Variants in COL24A1 observed in about 807,000 individuals in gnomAD.
The protein encoded by COL24A1 is collagen alpha-1(XXIV) chain.
A neutral mutation model predicts 253.9 loss-of-function variants in COL24A1; 224 were observed. That is an observed-to-expected ratio of 0.88 (90% confidence interval 0.79 to 0.99). COL24A1 has a LOEUF of 0.99. Ranked by LOEUF, COL24A1 falls within the 50% of genes least tolerant of loss-of-function variation. The probability of loss-of-function intolerance (pLI) is 0.00; values close to 1 mark genes in which losing one functional copy is unlikely to be tolerated. For missense variants in COL24A1, 2,131 were observed against 2,068.5 expected, an observed-to-expected ratio of 1.03 and a Z score of -0.59; for synonymous variants, 685 against 673.7, an observed-to-expected ratio of 1.02 and a Z score of -0.26.
At chr1:86,003,081 G>A (rs1159475837) in intron 19 of COL24A1, among the ~76,000 whole-genome samples, 1 of 152,152 alleles carries the variant, frequency 6.6e-6, no homozygotes, top group Non-Finnish European at 1.5e-5. Context: ...ATGCAGTATG[G>A]AGCCTATGGC....
chr1:86,022,366 C>T, intron 17 of COL24A1, 73 bp from the exon 18 acceptor site: 1 of 1,475,458 alleles, frequency 6.8e-7, no homozygotes, highest in Non-Finnish European at 9.4e-7. Flanking sequence ...TTACAAACTG[C>T]TAAAAAATTT....
intron 35 of COL24A1, among the ~76,000 whole-genome samples, chr1:85,873,133 A>G (rs1036272623): frequency 6.6e-6 from 1 of 152,232 alleles, no homozygotes. Flanking sequence ...AACCACAATG[A>G]GATACCATCT....
At chr1:85,733,826 C>T (rs1027213075) in intron 59 of COL24A1, among the ~76,000 whole-genome samples, 7 of 150,156 alleles carry the variant, frequency 4.7e-5, no homozygotes, top group African/African-American at 7.3e-5. Flanking sequence ...GTGAACCACC[C>T]GCCTCAGCCT....
chr1:85,884,092 C>T (rs1284747881), intron 32 of COL24A1, among the ~76,000 whole-genome samples: 3 of 152,130 alleles, frequency 2.0e-5, no homozygotes, highest in African/African-American at 7.2e-5. Flanking sequence ...TGCTGGTCTG[C>T]TAGTGACAAA....
chr1:85,761,690 T>C (rs1666865876), intron 53 of COL24A1, 124 bp from the exon 54 acceptor site: 1 of 881,354 alleles, frequency 1.1e-6, no homozygotes, highest in African/African-American at 1.7e-5. Context: ...AATTTAAAAT[T>C]GTTTTAGTAT....
chr1:85,884,621 G>C (rs899582501), intron 32 of COL24A1, among the ~76,000 whole-genome samples: 1 of 152,140 alleles, frequency 6.6e-6, no homozygotes, highest in African/African-American at 2.4e-5. Context: ...AAGGCCAGAG[G>C]GGGCTGGAGT....
Position 86,142,440 on chromosome 1 carries a change from G to A in COL24A1, c.121+3679C>T, listed in dbSNP as rs543457572. Among the ~76,000 whole-genome samples the A allele has an allele frequency of 7.9e-5, 12 of 151,012 alleles. No homozygotes were observed. In the South Asian group the frequency reaches 8.4e-4, roughly 11 times the overall value. ...CGGGAGGCTGAGGCAGGAGAATGGC[G>A]TGAACCTGGGAGGCAGAGCTTGCAG... On this transcript the variant is annotated intron_variant, in intron 2 of 59. Transcript: ENST00000370571.
At chr1:85,993,193 G>A (rs1020299872) in intron 19 of COL24A1, among the ~76,000 whole-genome samples, 5 of 152,076 alleles carry the variant, frequency 3.3e-5, no homozygotes, top group African/African-American at 1.2e-4. Context: ...AAGCTTGGAA[G>A]CTAGAGTGTC....
chr1:85,748,051 A>G (rs1665456223), intron 55 of COL24A1, among the ~76,000 whole-genome samples: 1 of 152,236 alleles, frequency 6.6e-6, no homozygotes, highest in African/African-American at 2.4e-5. Context: ...GTTACTTATC[A>G]GGAAAACATA....
intron 37 of COL24A1, among the ~76,000 whole-genome samples, chr1:85,854,642 T>C (rs774801477): frequency 7.9e-5 from 12 of 152,144 alleles, no homozygotes; most frequent in Admixed American, 2.0e-4. Flanking sequence ...CTGATTTCTT[T>C]CAGCAGTGTC....
chr1:85,857,458 C>CAAAA (rs57368737), intron 37 of COL24A1, among the ~76,000 whole-genome samples: 1 of 94,492 alleles, frequency 1.1e-5, no homozygotes, highest in African/African-American at 4.2e-5. Flanking sequence ...CCCTCTTCTC[C>CAAAA]AAAAAAAAAA....
intron 47 of COL24A1, among the ~76,000 whole-genome samples, chr1:85,790,392 C>T (rs1435979995): frequency 4.0e-5 from 6 of 151,594 alleles, no homozygotes; most frequent in Admixed American, 1.3e-4. Flanking sequence ...GTGGGGTTAG[C>T]GATGATATCT....
intron 22 of COL24A1, among the ~76,000 whole-genome samples, chr1:85,966,170 G>C (rs1220534458): frequency 1.3e-5 from 2 of 152,114 alleles, no homozygotes; most frequent in Non-Finnish European, 2.9e-5. Flanking sequence ...CTGCTGGCGG[G>C]TCATGTGTGA....
At chr1:85,823,803 C>T (rs547660200) in intron 43 of COL24A1, 65 bp from the exon 44 acceptor site, 12 of 1,403,492 alleles carry the variant, frequency 8.6e-6, no homozygotes, top group Non-Finnish European at 1.0e-6. Context: ...GAATAGGATA[C>T]TATCACTTAA....
intron 7 of COL24A1, among the ~76,000 whole-genome samples, chr1:86,069,694 A>G (rs894002069): frequency 6.6e-6 from 1 of 152,104 alleles, no homozygotes; most frequent in East Asian, 1.9e-4. Flanking sequence ...ATTTGTTTAG[A>G]AGAAATTAAG....
At chr1:86,005,341 A>G (rs1695841872) in intron 19 of COL24A1, among the ~76,000 whole-genome samples, 1 of 152,114 alleles carries the variant, frequency 6.6e-6, no homozygotes. Context: ...ATTAGGTAAA[A>G]AAGAAAAAGA....
chr1:86,136,435 T>TA (rs5775890), intron 2 of COL24A1, among the ~76,000 whole-genome samples: 81,748 of 151,736 alleles, frequency 0.54, 22,558 homozygotes, highest in Non-Finnish European at 0.62. Flanking sequence ...ATTAGTCCCC[T>TA]AGTTTTGCTG....
intron 53 of COL24A1, among the ~76,000 whole-genome samples, chr1:85,765,458 G>T (rs1160842830): frequency 1.3e-5 from 2 of 151,408 alleles, no homozygotes; most frequent in Admixed American, 6.6e-5. Flanking sequence ...TAATTCTGGG[G>T]CTTTGGGAGG....
intron 3 of COL24A1, among the ~76,000 whole-genome samples, chr1:86,117,424 T>G (rs1507291): frequency 0.046 from 7,075 of 152,326 alleles, 564 homozygotes; most frequent in African/African-American, 0.16. Context: ...ACTTTGATCT[T>G]CAACTTCCCA....
Sources: allele counts gnomAD v4.1 joint callset (sites outside exome capture counted in the v4.1 genomes callset), GRCh38; gene constraint gnomAD v4.1.1; transcripts MANE v1.5; gene names NCBI Gene and HGNC (gene_info 2026-07-23, HGNC 2026-07-21).